Variants in CA4 observed in about 807,000 individuals in gnomAD.
The protein encoded by CA4 is CA-IV.
A neutral mutation model predicts 34.5 loss-of-function variants in CA4; 24 were observed. That is an observed-to-expected ratio of 0.70 (90% CI 0.50 to 0.98). CA4 has a LOEUF of 0.98. Ranked by LOEUF, CA4 falls within the 50% of genes least tolerant of loss-of-function variation. The pLI, the probability that CA4 is intolerant of heterozygous loss-of-function variation, is 0.00. For missense variants in CA4, 394 were observed against 396.7 expected, an observed-to-expected ratio of 0.99 and a Z score of 0.06; for synonymous variants, 178 against 170.6, an observed-to-expected ratio of 1.04 and a Z score of -0.34.
At chr17:60,156,948 G>A in intron 3 of CA4, 1 of 603,570 alleles carries the variant, frequency 1.7e-6, no homozygotes, top group Non-Finnish European at 3.0e-6. Context: ...CAGGAAGAAG[G>A]ACATGTGCAA....
At chr17:60,169,403 A>T (rs1444991943) in intron 5 of CA4, among the ~76,000 whole-genome samples, 1 of 152,082 alleles carries the variant, frequency 6.6e-6, no homozygotes, top group East Asian at 1.9e-4. Flanking sequence ...ACGTAAACAC[A>T]ATTACACCTA....
rs568552175 is a variant in CA4, at chr17:60,155,199, A to G, written c.59-115A>G. ...TCAATCCTGCTGCCAGGAACACTCC[A>G]TCCCAGCCCAAGAGGGGCTCCAACC... is the stretch of plus-strand genomic sequence containing the variant. On this transcript the variant is annotated intron_variant, in intron 1 of 7. Coordinates refer to ENST00000300900, the MANE Select transcript of CA4 (RefSeq NM_000717.5). The G allele has an allele frequency of 6.6e-6, 6 of 911,202 alleles. No homozygotes were observed. The East Asian group carries it at 1.6e-4, about 24-fold the overall frequency. 56.4% of individuals were successfully genotyped at this position (911,202 alleles called of 1,614,324 possible).
chr17:60,169,262 A>AAGCAGCAGCAGCAGC (rs75260260), intron 5 of CA4, among the ~76,000 whole-genome samples: 1 of 149,770 alleles, frequency 6.7e-6, no homozygotes, highest in Non-Finnish European at 1.5e-5. Context: ...AAAAAAAAAA[A>AAGCAGCAGCAGCAGC]AGCAGCAGCA....
downstream of CA4, among the ~76,000 whole-genome samples, chr17:60,160,683 A>G (rs1444135991): frequency 4.7e-5 from 7 of 150,066 alleles, no homozygotes; most frequent in Non-Finnish European, 8.9e-5. Flanking sequence ...GAATTGAGGC[A>G]GAGTTTGCAG....
downstream of CA4, among the ~76,000 whole-genome samples, chr17:60,171,695 AC>A (rs1170951122): frequency 6.6e-6 from 1 of 151,608 alleles, no homozygotes. Context: ...GCAGCACTAC[AC>A]CCCCCACTGT....
chr17:60,171,381 A>T (rs1290695132), downstream of CA4, among the ~76,000 whole-genome samples: 1 of 152,172 alleles, frequency 6.6e-6, no homozygotes, highest in Non-Finnish European at 1.5e-5. Flanking sequence ...CTCCCTATGG[A>T]TGTCCAGGGA....
At position 60,158,352 on chromosome 17, in the gene CA4, A is replaced by T. The variant is rs1408607801; in HGVS notation, c.650A>T (p.Tyr217Phe). The T allele has an allele frequency of 4.3e-6, 7 of 1,614,138 alleles. 1 individual carries two copies. The African/African-American group carries it at 8.0e-5, about 18-fold the overall frequency. ...LLPKEEKLRH[Y>F]FRYLGSLTTP... ...CCCAAGGAGGAGAAACTGAGGCACT[A>T]CTTCCGCTACCTGGGCTCACTCACC... is the stretch of plus-strand genomic sequence containing the variant. The change falls in exon 7 of 8, where the codon TAC (tyrosine) becomes TTC (phenylalanine). Residue 217 changes from tyrosine to phenylalanine, a missense_variant. Physicochemically the swap from Tyr to Phe is conservative, Grantham distance 22 (BLOSUM62 3). Coordinates refer to ENST00000300900, the MANE Select transcript of CA4 (RefSeq NM_000717.5).
intron 1 of CA4, among the ~76,000 whole-genome samples, chr17:60,153,360 C>T (rs960451423): frequency 6.6e-6 from 1 of 152,166 alleles, no homozygotes; most frequent in Admixed American, 6.5e-5. Context: ...AATATCAATT[C>T]TTGGATAATG....
chr17:60,169,889 CTCTT>C (rs774775087), intron 5 of CA4, among the ~76,000 whole-genome samples: 58 of 152,228 alleles, frequency 3.8e-4, no homozygotes, highest in Non-Finnish European at 7.9e-4. Flanking sequence ...GTTTCTCTTT[CTCTT>C]TCTTTTTTTC....
chr17:60,153,146 T>C (rs1334809548), intron 1 of CA4, among the ~76,000 whole-genome samples: 1 of 152,130 alleles, frequency 6.6e-6, no homozygotes, highest in Non-Finnish European at 1.5e-5. Flanking sequence ...GAGACCAGCC[T>C]GGTCAACATG....
intron 1 of CA4, among the ~76,000 whole-genome samples, chr17:60,154,194 G>A (rs1462978807): frequency 1.5e-5 from 2 of 129,108 alleles, no homozygotes; most frequent in African/African-American, 3.0e-5. Flanking sequence ...CTCCTCTCTC[G>A]GCCCCTCCTT....
chr17:60,161,207 G>A (rs1186925814), downstream of CA4, among the ~76,000 whole-genome samples: 1 of 152,032 alleles, frequency 6.6e-6, no homozygotes, highest in East Asian at 1.9e-4. Flanking sequence ...AGAGGGAAGT[G>A]GAGGGAGAGA....
At chr17:60,160,733 A>G (rs1238304127), downstream of CA4, among the ~76,000 whole-genome samples, 3 of 138,494 alleles carry the variant, frequency 2.2e-5, no homozygotes, top group Non-Finnish European at 4.7e-5. Context: ...CCTGGGTGAC[A>G]GAGAGAGACT....
At chr17:60,172,455 G>T (rs1179480114), downstream of CA4, among the ~76,000 whole-genome samples, 1 of 152,150 alleles carries the variant, frequency 6.6e-6, no homozygotes, top group African/African-American at 2.4e-5. Context: ...TCTAAAGTTT[G>T]TTATCAAGAG....
chr17:60,159,092 C>T, intron 7 of CA4, 138 bp from the exon 8 acceptor site: 1 of 756,276 alleles, frequency 1.3e-6, no homozygotes, highest in Non-Finnish European at 2.3e-6. Flanking sequence ...TCTTCACGAC[C>T]ACCTTGAGAG....
downstream of CA4, among the ~76,000 whole-genome samples, chr17:60,159,927 C>T (rs1454241446): frequency 6.6e-6 from 1 of 152,146 alleles, no homozygotes; most frequent in Non-Finnish European, 1.5e-5. Flanking sequence ...ATCACTTGAG[C>T]CCTGGAGTTC....
At chr17:60,160,091 G>A (rs1219544515), downstream of CA4, among the ~76,000 whole-genome samples, 1 of 152,244 alleles carries the variant, frequency 6.6e-6, no homozygotes, top group Non-Finnish European at 1.5e-5. Context: ...AGTGAGCTGA[G>A]ATTGTGCCAC....
intron 7 of CA4, 102 bp downstream of exon 7, chr17:60,158,548 C>G (rs751016924): frequency 1.7e-6 from 2 of 1,190,142 alleles, no homozygotes; most frequent in Non-Finnish European, 2.4e-6. Context: ...AGGTGGGGAG[C>G]CCAGGTAACT....
At chr17:60,171,777 G>A (rs925885072), downstream of CA4, among the ~76,000 whole-genome samples, 3 of 152,190 alleles carry the variant, frequency 2.0e-5, no homozygotes, top group Non-Finnish European at 4.4e-5. Context: ...TGGCTGGAAT[G>A]GCTGGAAGAA....
Sources: gnomAD v4.1 joint callset for allele counts (sites outside exome capture counted in the v4.1 genomes callset) on GRCh38, gnomAD v4.1.1 for gene constraint, MANE v1.5 for transcripts, NCBI Gene and HGNC (gene_info 2026-07-23, HGNC 2026-07-21) for gene names.